The following PRICKLE2 variants were observed in gnomAD, a reference collection of about 807,000 sequenced individuals.
PRICKLE2 encodes prickle-like protein 2.
A neutral mutation model predicts 81.4 loss-of-function variants in PRICKLE2; 21 were observed. The ratio of observed to expected loss-of-function variants is 0.26; its 90% CI spans 0.18 to 0.37. PRICKLE2 has a LOEUF of 0.37. Ranked by LOEUF, PRICKLE2 falls within the 10% of genes least tolerant of loss-of-function variation. The pLI, the probability that PRICKLE2 is intolerant of heterozygous loss-of-function variation, is 1.00. For missense variants in PRICKLE2, 940 were observed against 1,109.0 expected (o/e 0.85, Z 2.16); for synonymous variants, 456 against 421.5 (o/e 1.08, Z -1.00).
At chr3:64,186,662 A>T (rs1440227231) in intron 2 of PRICKLE2, among the ~76,000 whole-genome samples, 1 of 152,238 alleles carries the variant, frequency 6.6e-6, no homozygotes, top group Non-Finnish European at 1.5e-5. Flanking sequence ...CAGCTTGCAC[A>T]TATGGGTACT....
intron 4 of PRICKLE2, among the ~76,000 whole-genome samples, chr3:64,158,397 T>C (rs2107036602): frequency 6.6e-6 from 1 of 152,360 alleles, no homozygotes; most frequent in South Asian, 2.1e-4. Flanking sequence ...TCCGTGATAA[T>C]GTTAGCAGAG....
chr3:64,149,103 G>A (rs9854223), intron 6 of PRICKLE2, among the ~76,000 whole-genome samples: 1,971 of 152,322 alleles, frequency 0.013, 40 homozygotes, highest in African/African-American at 0.043. Flanking sequence ...GCCTGCGCCA[G>A]GTTTATATAG....
chr3:64,259,714 T>C (rs934707200), intron 2 of PRICKLE2, among the ~76,000 whole-genome samples: 2 of 152,074 alleles, frequency 1.3e-5, no homozygotes, highest in Non-Finnish European at 2.9e-5. Context: ...AGAGGGAAAT[T>C]TGACACATGC....
chr3:64,205,101 T>A (rs1415087764), intron 1 of PRICKLE2, among the ~76,000 whole-genome samples: 2 of 142,792 alleles, frequency 1.4e-5, no homozygotes, highest in Non-Finnish European at 3.0e-5. Context: ...AGGATTTCGT[T>A]AAAAAAAAAA....
intron 7 of PRICKLE2, among the ~76,000 whole-genome samples, chr3:64,117,122 T>G (rs753329602): frequency 5.9e-5 from 9 of 152,166 alleles, no homozygotes; most frequent in Admixed American, 2.6e-4. Context: ...ACAATAGATG[T>G]GGAAAAGGAT....
chr3:64,190,878 G>T (rs1470372804), intron 2 of PRICKLE2, among the ~76,000 whole-genome samples: 1 of 152,164 alleles, frequency 6.6e-6, no homozygotes, highest in Middle Eastern at 3.2e-3. Context: ...ATTCCTCCCA[G>T]GTCTGAGGAC....
At chr3:64,261,211 T>C (rs2079610657) in intron 2 of PRICKLE2, among the ~76,000 whole-genome samples, 1 of 152,116 alleles carries the variant, frequency 6.6e-6, no homozygotes, top group African/African-American at 2.4e-5. Flanking sequence ...GGGAAGCACA[T>C]TAATCTCTAC....
chr3:64,214,059 C>G (rs893785036), intron 1 of PRICKLE2, among the ~76,000 whole-genome samples: 2 of 152,196 alleles, frequency 1.3e-5, no homozygotes, highest in Admixed American at 1.3e-4. Flanking sequence ...CGCCTTTCAT[C>G]CAGGGGAACT....
intron 7 of PRICKLE2, among the ~76,000 whole-genome samples, chr3:64,121,754 A>G (rs964727578): frequency 6.6e-6 from 1 of 152,148 alleles, no homozygotes; most frequent in East Asian, 1.9e-4. Flanking sequence ...CACTCACCTT[A>G]CACCTTAGTC....
chr3:64,216,807 C>T (rs573432917), intron 1 of PRICKLE2, among the ~76,000 whole-genome samples: 103 of 152,290 alleles, frequency 6.8e-4, no homozygotes, highest in African/African-American at 2.3e-3. Context: ...CACGTGAATT[C>T]TTTGCTGTGC....
chr3:64,235,107 A>G (rs2079161145), intron 2 of PRICKLE2, among the ~76,000 whole-genome samples: 1 of 152,080 alleles, frequency 6.6e-6, no homozygotes, highest in African/African-American at 2.4e-5. Flanking sequence ...TTATTGACCT[A>G]CCTTCAAATC....
chr3:64,210,454 G>C lies in PRICKLE2; in HGVS notation c.-40-11487C>G, dbSNP rs188171686. Reference sequence around the variant, plus strand: ...GCTCAAGGGCGGAGACTGTGACGGGGCCAGCTGGGTATGAGGCTGGTGTGT... The same window carrying C: ...GCTCAAGGGCGGAGACTGTGACGGGCCCAGCTGGGTATGAGGCTGGTGTGT... On this transcript the variant is annotated intron_variant, in intron 1 of 7. Coordinates refer to ENST00000638394, the MANE Select transcript of PRICKLE2 (RefSeq NM_198859.4). Among the ~76,000 whole-genome samples, 332 of 152,198 alleles carry C rather than the reference G, an allele frequency of 2.2e-3. 1 individual carries two copies. The highest frequency in any genetic ancestry group is 7.7e-3 in the African/African-American group (321 of 41,540).
At chr3:64,150,439 G>A (rs1417741768) in intron 6 of PRICKLE2, among the ~76,000 whole-genome samples, 1 of 152,062 alleles carries the variant, frequency 6.6e-6, no homozygotes, top group African/African-American at 2.4e-5. Context: ...ATTGCGTTAG[G>A]TCTGAAAGCC....
In PRICKLE2 at chr3:64,207,665, C is replaced by T. The variant is rs188032894; in HGVS notation, c.-40-8698G>A. Among the ~76,000 whole-genome samples, 448 of 152,146 alleles carry T rather than the reference C, an allele frequency of 2.9e-3. 3 individuals are homozygous for T. Among genetic ancestry groups the T allele is most frequent in the African/African-American group, 0.011 (438 of 41,518 alleles). On this transcript the variant is annotated intron_variant, in intron 1 of 7. Coordinates refer to ENST00000638394, the MANE Select transcript of PRICKLE2 (RefSeq NM_198859.4). Reference sequence around the variant, plus strand: ...TATGTAATGTAAAAGATACCTCCAACGTGGGAATTACATATAACATATACT... The same window carrying T: ...TATGTAATGTAAAAGATACCTCCAATGTGGGAATTACATATAACATATACT...
At chr3:64,111,450 A>G (rs1160782011) in intron 7 of PRICKLE2, among the ~76,000 whole-genome samples, 1 of 152,194 alleles carries the variant, frequency 6.6e-6, no homozygotes, top group East Asian at 1.9e-4. Context: ...TGTGAATACA[A>G]AAAGTAAAAG....
Position 64,098,181 on chromosome 3 carries a change from T to G in PRICKLE2, c.*870A>C, listed in dbSNP as rs2076598038. ...CTTTCCCCAAGGGATAGATCAACAT[T>G]AAGTAACTTCAACATTCCCAGCAGG... On this transcript the variant is annotated 3_prime_UTR_variant, in exon 8 of 8. Transcript: ENST00000638394. 1 of 152,620 alleles carries G rather than the reference T, an allele frequency of 6.6e-6. No homozygotes were observed. The highest frequency in any genetic ancestry group is 1.9e-4 in the East Asian group (1 of 5,198). 9.5% of individuals were successfully genotyped at this position (152,620 alleles called of 1,614,324 possible).
chr3:64,145,661 T>C (rs2107012572), intron 7 of PRICKLE2: 1 of 152,018 alleles, frequency 6.6e-6, no homozygotes. Flanking sequence ...ACATTTCTTA[T>C]GTCTTTATCT....
intron 2 of PRICKLE2, among the ~76,000 whole-genome samples, chr3:64,242,118 C>G (rs1159629970): frequency 1.3e-5 from 2 of 152,128 alleles, no homozygotes; most frequent in African/African-American, 4.8e-5. Context: ...CTTAAGGGAT[C>G]AGAGGTCTTA....
intron 7 of PRICKLE2, among the ~76,000 whole-genome samples, chr3:64,118,317 A>G (rs1233933131): frequency 6.6e-6 from 1 of 152,206 alleles, no homozygotes; most frequent in Non-Finnish European, 1.5e-5. Context: ...ACCAAAAGCA[A>G]TTGCGACAAA....
Sources: gnomAD v4.1 joint callset for allele counts (sites outside exome capture counted in the v4.1 genomes callset) on GRCh38, gnomAD v4.1.1 for gene constraint, MANE v1.5 for transcripts, NCBI Gene and HGNC (gene_info 2026-07-23, HGNC 2026-07-21) for gene names.